ASTN1: variants seen among roughly 807,000 people sequenced by gnomAD.
ASTN1 encodes the protein astrotactin-1.
In ASTN1, 41 loss-of-function variants were observed where a neutral mutation model predicts 140.7. That is an observed-to-expected ratio of 0.29 (90% confidence interval 0.23 to 0.38). The LOEUF is 0.38. Among genes scored for constraint, ASTN1 ranks in the 10% least tolerant of loss-of-function variants. The probability of loss-of-function intolerance (pLI) is 1.00; values close to 1 mark genes in which losing one functional copy is unlikely to be tolerated. For missense variants in ASTN1, 1,479 were observed against 1,678.8 expected, an observed-to-expected ratio of 0.88 and a Z score of 2.08; for synonymous variants, 640 against 652.2, an observed-to-expected ratio of 0.98 and a Z score of 0.29.
chr1:177,149,244 A>AGT (rs1558130810), intron 1 of ASTN1, among the ~76,000 whole-genome samples: 12 of 97,066 alleles, frequency 1.2e-4, no homozygotes, highest in African/African-American at 5.7e-4. Flanking sequence ...ATATATATAT[A>AGT]CTATATATAG....
chr1:176,894,974 C>T, intron 16 of ASTN1, 144 bp from the exon 17 acceptor site: 1 of 1,209,564 alleles, frequency 8.3e-7, no homozygotes. Flanking sequence ...TGCCATCCCA[C>T]TTAATTTGGG....
At position 176,958,490 on chromosome 1, in the gene ASTN1, G is replaced by A; in HGVS notation, c.1599-8C>T. 2 of 1,605,834 alleles carry A rather than the reference G, an allele frequency of 1.2e-6. No individual in the cohort carries two copies. The highest frequency in any genetic ancestry group is 1.1e-5 in the South Asian group (1 of 89,494). ...CCAAGAGTGTAGGTGAATCTGCAGGGACACCCAGTGCCAGGTGGTCATGAC... is the reference window on the plus strand; with the variant it reads ...CCAAGAGTGTAGGTGAATCTGCAGGAACACCCAGTGCCAGGTGGTCATGAC... On this transcript the variant is annotated splice_polypyrimidine_tract_variant and splice_region_variant and intron_variant, in intron 9 of 22. Transcript: ENST00000361833.
chr1:176,935,660 T>G (rs1334065548), intron 15 of ASTN1, among the ~76,000 whole-genome samples: 1 of 152,142 alleles, frequency 6.6e-6, no homozygotes, highest in Admixed American at 6.5e-5. Context: ...AGGCTCTACC[T>G]CCCTATTGCT....
At position 177,014,819 on chromosome 1, in the gene ASTN1, T is replaced by A. The variant is rs758017368; in HGVS notation, c.1495A>T (p.Ile499Phe). 6.2e-7 allele frequency: 1 copy of A among 1,613,924 alleles called. No individual in the cohort carries two copies. Among genetic ancestry groups the A allele is most frequent in the Non-Finnish European group, 8.5e-7 (1 of 1,179,838 alleles). ...MKDPVHKHLC[I>F]RNEWGTNQGP... The stretch of plus-strand genomic sequence containing the variant: ...TGGTTTGTCCCCCATTCGTTCCGAA[T>A]GCAAAGGTGCTTATGTACTGGATCC... Residue 499 changes from isoleucine to phenylalanine, a missense_variant, in exon 8 of 23, where the codon ATT becomes TTT. Transcript: ENST00000361833.
intron 1 of ASTN1, among the ~76,000 whole-genome samples, chr1:177,159,420 G>GTTTCCCCT (rs1647226787): frequency 6.6e-6 from 1 of 152,132 alleles, no homozygotes; most frequent in South Asian, 2.1e-4. Context: ...GAAAAAAGAA[G>GTTTCCCCT]GAAAAGAAAC....
At chr1:176,859,296 C>G (rs577687751), downstream of ASTN1, among the ~76,000 whole-genome samples, 3 of 152,280 alleles carry the variant, frequency 2.0e-5, no homozygotes, top group African/African-American at 7.2e-5. Context: ...AGTGCCCCAC[C>G]CTTCTTCTTG....
chr1:177,032,932 A>G, intron 2 of ASTN1, 83 bp from the exon 3 acceptor site: 2 of 1,405,948 alleles, frequency 1.4e-6, no homozygotes, highest in Middle Eastern at 1.9e-4. Flanking sequence ...TGCTACCACC[A>G]TTCATCACTT....
rs934100941 is a variant in ASTN1, at chr1:176,882,798, C to T, written c.3362+61G>A. 73 of 1,598,720 alleles carry T rather than the reference C, an allele frequency of 4.6e-5. 1 individual carries two copies. In the Admixed American group the frequency reaches 1.2e-3, roughly 27 times the overall value. ...AAGGAACTCAAGTAGCAAGAAGAAACCGGTAAGAAGCCTTGGGACTGTCAG... is the reference window on the plus strand; with the variant it reads ...AAGGAACTCAAGTAGCAAGAAGAAATCGGTAAGAAGCCTTGGGACTGTCAG... On this transcript the variant is annotated intron_variant, in intron 20 of 22. Transcript: ENST00000361833.
At chr1:177,128,517 GAACT>G (rs964084678) in intron 1 of ASTN1, among the ~76,000 whole-genome samples, 2 of 152,154 alleles carry the variant, frequency 1.3e-5, no homozygotes, top group Non-Finnish European at 2.9e-5. Flanking sequence ...TTCATTTGGA[GAACT>G]AACAGTACTA....
At chr1:177,158,876 G>A (rs998760470) in intron 1 of ASTN1, among the ~76,000 whole-genome samples, 6 of 150,282 alleles carry the variant, frequency 4.0e-5, no homozygotes, top group Non-Finnish European at 7.4e-5. Flanking sequence ...TGGCCAACAT[G>A]GTGAAACCCT....
At position 176,936,307 on chromosome 1, in the gene ASTN1, A is replaced by T; in HGVS notation, c.2441T>A (p.Val814Glu). The T allele has an allele frequency of 6.2e-7, 1 of 1,613,976 alleles. No homozygotes were observed. ...TTGGTTGAGTTTGATGTGGTACATC[A>T]CAGACCGGACCTTCCAGTGCTGCAG... ...PVLQHWKVRS[V>E]MYHIKLNQVA... Residue 814 changes from valine to glutamate, a missense_variant, in exon 15 of 23, where the codon GTG becomes GAG. This residue lies in a region of ASTN1 where 746 missense variants were observed against 800.9 expected (regional missense o/e 0.93). Transcript: ENST00000361833.
chr1:177,020,067 A>G (rs1292304252), intron 7 of ASTN1, among the ~76,000 whole-genome samples: 1 of 151,956 alleles, frequency 6.6e-6, no homozygotes, highest in Non-Finnish European at 1.5e-5. Context: ...TTGTATTTTT[A>G]TTAGAGATGG....
intron 9 of ASTN1, among the ~76,000 whole-genome samples, chr1:176,961,089 C>A (rs965624874): frequency 6.6e-6 from 1 of 152,144 alleles, no homozygotes; most frequent in African/African-American, 2.4e-5. Context: ...ATTTCTGCCC[C>A]AAAGACGTCA....
At chr1:177,046,267 G>A (rs946676535) in intron 2 of ASTN1, among the ~76,000 whole-genome samples, 2 of 152,154 alleles carry the variant, frequency 1.3e-5, no homozygotes, top group African/African-American at 4.8e-5. Context: ...TGTAAGTTGA[G>A]TGAGAATGAC....
chr1:177,082,449 C>T (rs1336737892), intron 1 of ASTN1, among the ~76,000 whole-genome samples: 8 of 152,090 alleles, frequency 5.3e-5, no homozygotes, highest in Admixed American at 3.9e-4. Flanking sequence ...TTTCTTCCAC[C>T]TTTGTTATTT....
chr1:176,949,453 T>G, intron 11 of ASTN1, 102 bp from the exon 12 acceptor site: 1 of 1,265,482 alleles, frequency 7.9e-7, no homozygotes, highest in Non-Finnish European at 1.1e-6. Flanking sequence ...CACTCAGCCT[T>G]GAAACTATTA....
At position 176,876,537 on chromosome 1, in the gene ASTN1, C is replaced by G. The variant is rs746368101; in HGVS notation, c.3463G>C (p.Glu1155Gln). ...CACTGCTAACTTCGATGTCTCTTAC[C>G]TTGAGCCTTGACATCATCCACCACG... ...CPVVDDVKAQ[E>Q]IADKIYNLFN... The change falls in exon 21 of 23, where the codon GAA becomes CAA. Residue 1155 changes from glutamate (E) to glutamine (Q), a missense_variant and splice_region_variant. Glu to Gln is a conservative substitution (Grantham distance 29). Around this residue, in one of 3 missense-constraint regions of ASTN1, gnomAD observed 746 missense variants for 800.9 expected, o/e 0.93. Coordinates refer to ENST00000361833, the MANE Select transcript of ASTN1 (RefSeq NM_004319.3). 2.5e-6 allele frequency: 4 copies of G among 1,614,146 alleles called. No individual in the cohort carries two copies. Among genetic ancestry groups the G allele is most frequent in the South Asian group, 1.1e-5 (1 of 91,080 alleles).
rs1412114571 is a variant in ASTN1, at chr1:176,884,364, C to G, written c.3201G>C (p.Arg1067Ser). Residue 1067 changes from arginine (R) to serine (S), a missense_variant, in exon 19 of 23, where the codon AGG (arginine) becomes AGC (serine). Around this residue, in one of 3 missense-constraint regions of ASTN1, gnomAD observed 746 missense variants for 800.9 expected, o/e 0.93. Coordinates refer to ENST00000361833, the MANE Select transcript of ASTN1 (RefSeq NM_004319.3). ...CTGTCTCCACTTTGGAGTGGTCCAT[C>G]CTGTCAGTGACTTTCTCTTGACGGA... Reference protein sequence around the residue: ...YLLRQEKVTDRMDHSKVETET... With the variant: ...YLLRQEKVTDSMDHSKVETET... The G allele has an allele frequency of 1.2e-6, 2 of 1,614,054 alleles. No homozygotes were observed. Among genetic ancestry groups the G allele is most frequent in the East Asian group, 4.5e-5 (2 of 44,890 alleles).
chr1:177,106,520 G>A (rs1415296744), intron 1 of ASTN1, among the ~76,000 whole-genome samples: 3 of 152,106 alleles, frequency 2.0e-5, no homozygotes, highest in East Asian at 3.9e-4. Flanking sequence ...TCTACTCTTT[G>A]TAGAGGCTTA....
Sources: gnomAD v4.1 joint callset for allele counts (sites outside exome capture counted in the v4.1 genomes callset) on GRCh38, gnomAD v4.1.1 for gene constraint, gnomAD v4.1.1 regional missense constraint, MANE v1.5 for transcripts, NCBI Gene and HGNC (gene_info 2026-07-23, HGNC 2026-07-21) for gene names.